The following SULT4A1 variants were observed in gnomAD, a reference collection of about 807,000 sequenced individuals.
SULT4A1 encodes the protein sulfotransferase family 4A member 1, also known as sulfotransferase 4A1.
A neutral mutation model predicts 35.2 loss-of-function variants in SULT4A1; 11 were observed. That is an observed-to-expected ratio of 0.31 (90% CI 0.20 to 0.52). The LOEUF is 0.52. Among genes scored for constraint, SULT4A1 ranks in the 20% least tolerant of loss-of-function variants. SULT4A1 has a pLI of 0.97. For synonymous variants in SULT4A1, 152 were observed against 151.8 expected (o/e 1.00, Z -0.01); for missense variants, 271 against 383.7 (o/e 0.71, Z 2.45).
In SULT4A1 at chr22:43,841,932, C is replaced by G. The variant is rs930807200; in HGVS notation, c.170G>C (p.Gly57Ala). Residue 57 changes from glycine (G) to alanine (A), a missense_variant and splice_region_variant, in exon 2 of 7, where the codon GGC (glycine) becomes GCC (alanine). Gly to Ala is a moderately conservative substitution (Grantham distance 60). Coordinates refer to ENST00000330884, the MANE Select transcript of SULT4A1 (RefSeq NM_014351.4). ...GACCACCTCCTGCAGCAAGCTGGTG[C>G]CTGGAGGGGAGAAGCCCCAGCGCGG... ...DVWIVTYPKS[G>A]TSLLQEVVYL... 1 of 1,612,668 alleles carries G rather than the reference C, an allele frequency of 6.2e-7. No homozygotes were observed. The highest frequency in any genetic ancestry group is 8.5e-7 in the Non-Finnish European group (1 of 1,179,160).
chr22:43,839,609 CA>C (rs936834666), intron 3 of SULT4A1, among the ~76,000 whole-genome samples: 3 of 151,992 alleles, frequency 2.0e-5, no homozygotes, highest in African/African-American at 7.3e-5. Context: ...AACAAACAAA[CA>C]AAAAAACCCC....
intron 6 of SULT4A1, chr22:43,827,222 A>G: frequency 1.0e-6 from 1 of 985,384 alleles, no homozygotes; most frequent in Non-Finnish European, 1.2e-6. Flanking sequence ...GTCTCCAGCA[A>G]ATGTCCTTCA....
chr22:43,845,824 G>C (rs1295787776), intron 1 of SULT4A1, among the ~76,000 whole-genome samples: 1 of 152,110 alleles, frequency 6.6e-6, no homozygotes, highest in Non-Finnish European at 1.5e-5. Context: ...GAGGGATCTG[G>C]GCTATGTGGT....
chr22:43,847,912 G>A (rs111456104), intron 1 of SULT4A1, among the ~76,000 whole-genome samples: 41 of 152,328 alleles, frequency 2.7e-4, no homozygotes, highest in African/African-American at 9.9e-4. Flanking sequence ...CAAAAGAAAC[G>A]TATTCTCTCA....
chr22:43,840,138 A>T, intron 2 of SULT4A1, 113 bp from the exon 3 acceptor site: 1 of 712,960 alleles, frequency 1.4e-6, no homozygotes, highest in Non-Finnish European at 2.2e-6. Flanking sequence ...GTTCAGGGGA[A>T]GTGGAGTTAT....
chr22:43,854,099 C>G (rs1025988868), intron 1 of SULT4A1, among the ~76,000 whole-genome samples: 1 of 152,198 alleles, frequency 6.6e-6, no homozygotes, highest in Non-Finnish European at 1.5e-5. Context: ...ATGTAGCACT[C>G]TCATGACATC....
intron 1 of SULT4A1, among the ~76,000 whole-genome samples, chr22:43,850,067 G>A (rs1461276601): frequency 4.6e-5 from 7 of 152,180 alleles, no homozygotes; most frequent in Admixed American, 1.3e-4. Context: ...TCCAGCTCCC[G>A]CCTGCGAAGC....
At chr22:43,826,245 G>T (rs2063285989) in intron 6 of SULT4A1, 132 bp from the exon 7 acceptor site, 2 of 1,474,590 alleles carry the variant, frequency 1.4e-6, no homozygotes, top group African/African-American at 1.4e-5. Context: ...GCCTATGGGG[G>T]CAGGAAGGGC....
At chr22:43,854,662 G>A (rs758613027) in intron 1 of SULT4A1, among the ~76,000 whole-genome samples, 8 of 152,104 alleles carry the variant, frequency 5.3e-5, no homozygotes, top group African/African-American at 1.9e-4. Context: ...GCAGGGAGCC[G>A]ACGCCCTGAG....
chr22:43,858,598 A>C (rs550298622), intron 1 of SULT4A1, among the ~76,000 whole-genome samples: 1 of 152,278 alleles, frequency 6.6e-6, no homozygotes, highest in East Asian at 1.9e-4. Flanking sequence ...GTAACTCACC[A>C]CACTGCTGTG....
At chr22:43,839,120 G>A in intron 3 of SULT4A1, 127 bp from the exon 4 acceptor site, 2 of 1,312,692 alleles carry the variant, frequency 1.5e-6, no homozygotes, top group Non-Finnish European at 1.1e-6. Context: ...CCAGCGTCCA[G>A]CTGGGGCCCA....
At chr22:43,853,593 C>G (rs189614927) in intron 1 of SULT4A1, among the ~76,000 whole-genome samples, 2 of 152,342 alleles carry the variant, frequency 1.3e-5, no homozygotes, top group African/African-American at 4.8e-5. Context: ...CTCCGGCAAC[C>G]CTGGCTTGGC....
At chr22:43,853,071 C>A (rs2049359926) in intron 1 of SULT4A1, among the ~76,000 whole-genome samples, 1 of 152,020 alleles carries the variant, frequency 6.6e-6, no homozygotes. Flanking sequence ...ACATAACACA[C>A]AGACCACACA....
intron 4 of SULT4A1, among the ~76,000 whole-genome samples, chr22:43,836,388 T>C (rs112010520): frequency 7.8e-6 from 1 of 127,452 alleles, no homozygotes; most frequent in South Asian, 2.7e-4. Flanking sequence ...AGGGACCCTG[T>C]CTACACAGCG....
At chr22:43,848,676 G>A (rs2063491644) in intron 1 of SULT4A1, among the ~76,000 whole-genome samples, 1 of 152,224 alleles carries the variant, frequency 6.6e-6, no homozygotes, top group African/African-American at 2.4e-5. Context: ...TGTTGCTGTG[G>A]GACAAACAGG....
chr22:43,832,718 G>C (rs980848403), intron 5 of SULT4A1, among the ~76,000 whole-genome samples: 1 of 152,102 alleles, frequency 6.6e-6, no homozygotes, highest in African/African-American at 2.4e-5. Flanking sequence ...CAGCGCCATA[G>C]GGGACCTCGT....
intron 1 of SULT4A1, among the ~76,000 whole-genome samples, chr22:43,860,525 A>G (rs944176823): frequency 6.6e-6 from 1 of 152,176 alleles, no homozygotes; most frequent in Non-Finnish European, 1.5e-5. Context: ...ACCACAGCTC[A>G]ATGGGATTCT....
At chr22:43,838,600 G>A (rs980465098) in intron 4 of SULT4A1, among the ~76,000 whole-genome samples, 3 of 152,230 alleles carry the variant, frequency 2.0e-5, no homozygotes, top group African/African-American at 7.2e-5. Context: ...TTTTAACTGG[G>A]GAACTTCTCA....
chr22:43,850,783 G>C (rs1440440914), intron 1 of SULT4A1, among the ~76,000 whole-genome samples: 6 of 152,144 alleles, frequency 3.9e-5, no homozygotes, highest in African/African-American at 1.4e-4. Context: ...TCCCATGTGA[G>C]GGACAGTCTG....
Sources: gnomAD v4.1 joint callset for allele counts (sites outside exome capture counted in the v4.1 genomes callset) on GRCh38, gnomAD v4.1.1 for gene constraint, MANE v1.5 for transcripts, NCBI Gene and HGNC (gene_info 2026-07-23, HGNC 2026-07-21) for gene names.